The following ORC5 variants were observed in gnomAD, a reference collection of about 807,000 sequenced individuals.
ORC5 encodes origin recognition complex subunit 5.
A neutral mutation model predicts 58.8 loss-of-function variants in ORC5; 39 were observed. The observed-to-expected ratio is 0.66, with a 90% confidence interval of 0.51 to 0.87. The LOEUF is 0.87. ORC5 is among the 40% of genes least tolerant of loss of function. The probability of loss-of-function intolerance (pLI) is 0.00; values close to 1 mark genes in which losing one functional copy is unlikely to be tolerated. For synonymous variants in ORC5, 218 were observed against 177.6 expected (o/e 1.23, Z -1.81); for missense variants, 493 against 506.3 (o/e 0.97, Z 0.25).
intron 8 of ORC5, among the ~76,000 whole-genome samples, chr7:104,171,848 CT>C (rs1399298081): frequency 1.3e-5 from 2 of 152,054 alleles, no homozygotes; most frequent in Non-Finnish European, 2.9e-5. Flanking sequence ...CAATGGGACC[CT>C]GTCTCAAAAA....
At chr7:104,185,953 C>T in intron 6 of ORC5, among the ~76,000 whole-genome samples, 1 of 152,078 alleles carries the variant, frequency 6.6e-6, no homozygotes, top group South Asian at 2.1e-4. Context: ...TCCTATTCTA[C>T]TTCATAAAAA....
At chr7:104,192,112 G>A (rs746001960) in intron 5 of ORC5, among the ~76,000 whole-genome samples, 3 of 152,094 alleles carry the variant, frequency 2.0e-5, no homozygotes, top group Non-Finnish European at 4.4e-5. Context: ...CTTTCAAAAG[G>A]AGCTCATTTA....
At chr7:104,168,341 T>C in intron 9 of ORC5, 132 bp downstream of exon 9, 1 of 1,395,406 alleles carries the variant, frequency 7.2e-7, no homozygotes, top group East Asian at 2.5e-5. Context: ...CAAAATAGCA[T>C]TATAGCTTGA....
chr7:104,200,725 T>G, intron 3 of ORC5, 33 bp downstream of exon 3: 1 of 1,283,412 alleles, frequency 7.8e-7, no homozygotes, highest in Non-Finnish European at 1.1e-6. Context: ...GTTTTCAAGA[T>G]AAGAGATGAT....
rs923808185 is a variant in ORC5, at chr7:104,133,723, C to T, written c.1262+3058G>A. Among the ~76,000 whole-genome samples the T allele has an allele frequency of 1.3e-5, 2 of 151,790 alleles. No individual in the cohort carries two copies. Among genetic ancestry groups the T allele is most frequent in the African/African-American group, 4.8e-5 (2 of 41,244 alleles). On this transcript the variant is annotated intron_variant, in intron 13 of 13. Transcript: ENST00000297431. The surrounding 1 kb of genome is among the most constrained non-coding windows in gnomAD (Gnocchi z 4.7). The stretch of plus-strand genomic sequence containing the variant: ...TATGAGAAAAGAGCCTAGGGCCAAG[C>T]CTAAAGGAACAGTTATATTTAAAGG...
chr7:104,207,024 C>G lies in ORC5; in HGVS notation c.72+809G>C, dbSNP rs756732972. ...AGGACGTATCCCCCTCACTAAGTGGCAGCAACGCATGACTGTACTTAAAAA... is the reference window on the plus strand; with the variant it reads ...AGGACGTATCCCCCTCACTAAGTGGGAGCAACGCATGACTGTACTTAAAAA... On this transcript the variant is annotated intron_variant, in intron 1 of 13. Coordinates refer to ENST00000297431, the MANE Select transcript of ORC5 (RefSeq NM_002553.4). Among the ~76,000 whole-genome samples, 31 of 151,168 alleles carry G rather than the reference C, an allele frequency of 2.1e-4. 1 individual carries two copies. The highest frequency in any genetic ancestry group is 8.8e-5 in the Non-Finnish European group (6 of 68,010).
At chr7:104,193,957 ATTAC>A (rs1259175370) in intron 5 of ORC5, among the ~76,000 whole-genome samples, 13 of 151,720 alleles carry the variant, frequency 8.6e-5, no homozygotes, top group South Asian at 4.1e-4. Flanking sequence ...TAATTCTGTA[ATTAC>A]TTACATTAAT....
intron 5 of ORC5, among the ~76,000 whole-genome samples, chr7:104,189,156 T>A (rs557200805): frequency 6.6e-6 from 1 of 152,070 alleles, no homozygotes; most frequent in Non-Finnish European, 1.5e-5. Context: ...GAGCCCTGTA[T>A]TGTCACATAC....
At chr7:104,168,255 G>A (rs1584498289) in intron 9 of ORC5, 10 of 1,112,148 alleles carry the variant, frequency 9.0e-6, no homozygotes, top group Non-Finnish European at 1.2e-5. Flanking sequence ...CCAATATTTA[G>A]AAAATAGAAA....
chr7:104,188,804 C>T (rs1249510521), intron 5 of ORC5, among the ~76,000 whole-genome samples: 1 of 152,078 alleles, frequency 6.6e-6, no homozygotes, highest in Non-Finnish European at 1.5e-5. Flanking sequence ...AATCATGAGG[C>T]AGACTTCCCC....
At chr7:104,181,700 G>C (rs943518460) in intron 8 of ORC5, among the ~76,000 whole-genome samples, 3 of 151,700 alleles carry the variant, frequency 2.0e-5, no homozygotes, top group Non-Finnish European at 4.4e-5. Flanking sequence ...GCTGAGGCAG[G>C]AGAATGGCGT....
intron 8 of ORC5, among the ~76,000 whole-genome samples, chr7:104,181,586 C>A (rs11773044): frequency 2.6e-5 from 4 of 151,724 alleles, no homozygotes; most frequent in African/African-American, 9.7e-5. Context: ...GAGATCAAGA[C>A]CATCCTGGCT....
intron 2 of ORC5, among the ~76,000 whole-genome samples, chr7:104,201,885 T>C (rs950757471): frequency 6.6e-6 from 1 of 151,022 alleles, no homozygotes; most frequent in Admixed American, 6.6e-5. Context: ...ACCCCTGGAG[T>C]TCAAGATCAG....
chr7:104,198,380 G>A (rs1799852030), intron 3 of ORC5, among the ~76,000 whole-genome samples: 1 of 152,160 alleles, frequency 6.6e-6, no homozygotes, highest in Non-Finnish European at 1.5e-5. Flanking sequence ...GGTCATAGAT[G>A]GACATGAGGA....
chr7:104,141,606 G>A (rs1364849310), intron 12 of ORC5, among the ~76,000 whole-genome samples: 1 of 152,048 alleles, frequency 6.6e-6, no homozygotes, highest in Non-Finnish European at 1.5e-5. Flanking sequence ...GCACCAAAAA[G>A]CTGTTAGAAC....
At chr7:104,151,971 A>G (rs981969280) in intron 12 of ORC5, among the ~76,000 whole-genome samples, 5 of 152,190 alleles carry the variant, frequency 3.3e-5, no homozygotes, top group Admixed American at 3.3e-4. Context: ...TTTTTCATCT[A>G]GGAGAAAAGA....
intron 12 of ORC5, among the ~76,000 whole-genome samples, chr7:104,146,833 T>A (rs892427079): frequency 2.6e-5 from 4 of 152,128 alleles, no homozygotes; most frequent in Middle Eastern, 3.2e-3. Context: ...CTGAATGAGA[T>A]CAGTAGATTG....
rs1231153023 is a variant in ORC5, at chr7:104,181,533, C to G, written c.824+2410G>C. ...GGGTGTGGTGGCTCACGCCTGTAAT[C>G]CCAGCACTTTGGGAGGCCAAGGCAG... On this transcript the variant is annotated intron_variant, in intron 8 of 13. Coordinates refer to ENST00000297431, the MANE Select transcript of ORC5 (RefSeq NM_002553.4). Among the ~76,000 whole-genome samples the G allele has an allele frequency of 2.0e-5, 3 of 151,926 alleles. No homozygotes were observed. The East Asian group carries it at 5.8e-4, about 29-fold the overall frequency.
intron 8 of ORC5, 37 bp from the exon 9 acceptor site, chr7:104,168,562 T>A (rs1296308196): frequency 1.5e-6 from 2 of 1,348,238 alleles, no homozygotes; most frequent in Admixed American, 4.4e-5. Context: ...GAATTAAAAA[T>A]AAATAAAATC....
Sources: gnomAD v4.1 joint callset for allele counts (sites outside exome capture counted in the v4.1 genomes callset) on GRCh38, gnomAD v4.1.1 for gene constraint, Gnocchi (gnomAD v3.1) non-coding constraint, MANE v1.5 for transcripts, NCBI Gene and HGNC (gene_info 2026-07-23, HGNC 2026-07-21) for gene names.